Variants in ST6GAL1 observed in about 807,000 individuals in gnomAD.
The protein encoded by ST6GAL1 is beta-galactoside alpha-2,6-sialyltransferase 1.
A neutral mutation model predicts 38.0 loss-of-function variants in ST6GAL1; 20 were observed. That is an observed-to-expected ratio of 0.53 (90% CI 0.37 to 0.77). The LOEUF is 0.77. Among genes scored for constraint, ST6GAL1 ranks in the 30% least tolerant of loss-of-function variants. The probability of loss-of-function intolerance (pLI) is 0.00; values close to 1 mark genes in which losing one functional copy is unlikely to be tolerated. For synonymous variants in ST6GAL1, 196 were observed against 188.2 expected (o/e 1.04, Z -0.34); for missense variants, 432 against 496.4 (o/e 0.87, Z 1.23).
chr3:187,045,943 A>T (rs1718280034), intron 4 of ST6GAL1, among the ~76,000 whole-genome samples: 1 of 152,186 alleles, frequency 6.6e-6, no homozygotes, highest in Admixed American at 6.5e-5. Flanking sequence ...TGGGTGAGGA[A>T]CGAGGCCAGA....
intron 5 of ST6GAL1, among the ~76,000 whole-genome samples, chr3:187,067,076 T>A (rs1719176249): frequency 7.3e-6 from 1 of 136,450 alleles, no homozygotes; most frequent in East Asian, 2.1e-4. Flanking sequence ...TTTCTTTCTT[T>A]CTTTCTTTTT....
At chr3:187,017,214 A>G (rs1579324637) in intron 2 of ST6GAL1, among the ~76,000 whole-genome samples, 1 of 152,256 alleles carries the variant, frequency 6.6e-6, no homozygotes, top group African/African-American at 2.4e-5. Context: ...CCTAGGCTGA[A>G]CTGGTGTTGC....
intron 2 of ST6GAL1, among the ~76,000 whole-genome samples, chr3:186,985,572 T>C (rs898708353): frequency 1.8e-4 from 27 of 149,158 alleles, no homozygotes; most frequent in Non-Finnish European, 3.7e-4. Context: ...GAGATTAGCC[T>C]GGGAAACATG....
chr3:186,972,371 C>G (rs1165350020), intron 2 of ST6GAL1, among the ~76,000 whole-genome samples: 1 of 152,074 alleles, frequency 6.6e-6, no homozygotes, highest in Non-Finnish European at 1.5e-5. Context: ...GTCTCAGCCT[C>G]CCAAGTAGCT....
At position 187,075,533 on chromosome 3, in the gene ST6GAL1, G is replaced by A; in HGVS notation, c.980-29G>A. The A allele has an allele frequency of 6.2e-7, 1 of 1,609,032 alleles. No individual in the cohort carries two copies. Among genetic ancestry groups the A allele is most frequent in the Non-Finnish European group, 8.5e-7 (1 of 1,176,102 alleles). On this transcript the variant is annotated intron_variant, in intron 7 of 7. Coordinates refer to ENST00000169298, the MANE Select transcript of ST6GAL1 (RefSeq NM_173216.2). The surrounding 1 kb of genome is among the most constrained non-coding windows in gnomAD (Gnocchi z 4.1). The stretch of plus-strand genomic sequence containing the variant: ...CTGGGGTGCTGGGGTGGGTTGTCAG[G>A]CATGACTCACCTCTGCTCCCCTCTC...
At chr3:187,048,717 GT>G (rs970141708) in intron 4 of ST6GAL1, among the ~76,000 whole-genome samples, 4 of 152,058 alleles carry the variant, frequency 2.6e-5, no homozygotes, top group African/African-American at 4.8e-5. Flanking sequence ...CATAGAGTAG[GT>G]GCTCAATCAG....
At chr3:187,005,526 CG>C (rs933957780) in intron 2 of ST6GAL1, among the ~76,000 whole-genome samples, 11 of 151,996 alleles carry the variant, frequency 7.2e-5, no homozygotes, top group Admixed American at 6.6e-5. Context: ...CTGCCCGCCT[CG>C]GCCTCCCAAA....
chr3:187,036,753 C>T (rs543175931), intron 2 of ST6GAL1, among the ~76,000 whole-genome samples: 125 of 152,170 alleles, frequency 8.2e-4, no homozygotes, highest in Admixed American at 3.0e-3. Flanking sequence ...GACTACAAGA[C>T]GGGGAAGGCT....
At chr3:186,992,502 A>AATAC (rs1336112470) in intron 2 of ST6GAL1, among the ~76,000 whole-genome samples, 1 of 152,078 alleles carries the variant, frequency 6.6e-6, no homozygotes, top group Non-Finnish European at 1.5e-5. Context: ...TAAATAAATA[A>AATAC]ATAAAACATG....
At chr3:187,021,249 A>G (rs1717287981) in intron 2 of ST6GAL1, among the ~76,000 whole-genome samples, 1 of 152,020 alleles carries the variant, frequency 6.6e-6, no homozygotes, top group Non-Finnish European at 1.5e-5. Context: ...GGCGTGAGCC[A>G]TCATGCCTGG....
rs1009961977 is a variant in ST6GAL1 at position 187,024,327 on chromosome 3, T to A, written c.-182-14415T>A. Among the ~76,000 whole-genome samples, 4 of 151,610 alleles carry A rather than the reference T, an allele frequency of 2.6e-5. No individual in the cohort carries two copies. The East Asian group carries it at 7.7e-4, about 29-fold the overall frequency. Reference sequence around the variant, plus strand: ...GCCAGATGGTCTTGATCTCCTGACCTCGTGATCTGCCCGCCTCGGCCTCCC... The same window carrying A: ...GCCAGATGGTCTTGATCTCCTGACCACGTGATCTGCCCGCCTCGGCCTCCC... On this transcript the variant is annotated intron_variant, in intron 2 of 7. Coordinates refer to ENST00000169298, the MANE Select transcript of ST6GAL1 (RefSeq NM_173216.2).
intron 3 of ST6GAL1, among the ~76,000 whole-genome samples, chr3:187,040,624 C>T (rs1009335208): frequency 2.0e-5 from 3 of 152,176 alleles, no homozygotes; most frequent in African/African-American, 7.2e-5. Flanking sequence ...AAAGTGACTA[C>T]CACGTAGTAG....
At chr3:186,958,281 A>G (rs1579270705) in intron 1 of ST6GAL1, among the ~76,000 whole-genome samples, 1 of 152,340 alleles carries the variant, frequency 6.6e-6, no homozygotes, top group African/African-American at 2.4e-5. Flanking sequence ...TTATCTGGTT[A>G]TAATAATGTA....
chr3:186,949,632 G>T (rs1163908672), intron 1 of ST6GAL1, among the ~76,000 whole-genome samples: 1 of 152,214 alleles, frequency 6.6e-6, no homozygotes, highest in Non-Finnish European at 1.5e-5. Context: ...CTCACAGTAG[G>T]AGGGCTTGGA....
chr3:187,054,674 TTGA>T (rs1383186361), intron 5 of ST6GAL1, among the ~76,000 whole-genome samples: 1 of 152,344 alleles, frequency 6.6e-6, no homozygotes, highest in East Asian at 1.9e-4. Context: ...GATAAGCTTT[TTGA>T]TGCACTGCTG....
intron 2 of ST6GAL1, among the ~76,000 whole-genome samples, chr3:186,984,845 C>CTCCTTCCT (rs1278246050): frequency 3.8e-5 from 3 of 79,802 alleles, no homozygotes; most frequent in African/African-American, 1.5e-4. Context: ...CCCTCCCTCC[C>CTCCTTCCT]TCCTTCCTTC....
At chr3:187,001,704 T>G (rs1716622542) in intron 2 of ST6GAL1, among the ~76,000 whole-genome samples, 2 of 152,172 alleles carry the variant, frequency 1.3e-5, no homozygotes, top group South Asian at 4.1e-4. Context: ...ACTCCTGTAA[T>G]CTCAGCACTT....
chr3:186,989,048 G>T (rs929820194), intron 2 of ST6GAL1, among the ~76,000 whole-genome samples: 2 of 152,156 alleles, frequency 1.3e-5, no homozygotes, highest in African/African-American at 4.8e-5. Flanking sequence ...TATTTGCATC[G>T]TAGAGGTGTA....
chr3:187,001,955 C>CAAAA (rs757487688), intron 2 of ST6GAL1, among the ~76,000 whole-genome samples: 1 of 130,522 alleles, frequency 7.7e-6, no homozygotes, highest in Non-Finnish European at 1.6e-5. Flanking sequence ...GACTTTGTCT[C>CAAAA]AAAAAAAAAA....
Sources: gnomAD v4.1 joint callset for allele counts (sites outside exome capture counted in the v4.1 genomes callset) on GRCh38, gnomAD v4.1.1 for gene constraint, Gnocchi (gnomAD v3.1) non-coding constraint, MANE v1.5 for transcripts, NCBI Gene and HGNC (gene_info 2026-07-23, HGNC 2026-07-21) for gene names.